REV3L: variants seen among roughly 807,000 people sequenced by gnomAD.
REV3L encodes the protein DNA polymerase zeta catalytic subunit.
In REV3L, 69 loss-of-function variants were observed where a neutral mutation model predicts 299.4. That is an observed-to-expected ratio of 0.23 (90% CI 0.19 to 0.28). The LOEUF (loss-of-function observed/expected upper bound fraction) is 0.28, where lower values mean the gene tolerates loss of function less well. REV3L is among the 10% of genes least tolerant of loss of function. REV3L has a pLI of 1.00. For missense variants in REV3L, 3,128 were observed against 3,693.8 expected (o/e 0.85, Z 3.97); for synonymous variants, 1,238 against 1,271.4 (o/e 0.97, Z 0.56).
chr6:111,431,166 T>G, intron 1 of REV3L: 1 of 1,560,462 alleles, frequency 6.4e-7, no homozygotes, highest in Non-Finnish European at 8.8e-7. Context: ...GCCATGAGTT[T>G]TTGGCCACGT....
chr6:111,357,399 T>C (rs987934597), intron 17 of REV3L, among the ~76,000 whole-genome samples: 1 of 152,054 alleles, frequency 6.6e-6, no homozygotes, highest in Admixed American at 6.6e-5. Flanking sequence ...CCCTAGAAAA[T>C]AACATATCAC....
chr6:111,303,701 CTTTTTTTTTTTTTTTTTT>C (rs58366929), intron 31 of REV3L, among the ~76,000 whole-genome samples: 187 of 12,636 alleles, frequency 0.015, 2 homozygotes, highest in African/African-American at 0.041. Context: ...CAGACTATGA[CTTTTTTTTTTTTTTTTTT>C]TTTTTTTTTT....
intron 3 of REV3L, among the ~76,000 whole-genome samples, chr6:111,407,040 T>A (rs190668665): frequency 6.6e-6 from 1 of 151,578 alleles, no homozygotes; most frequent in African/African-American, 2.4e-5. Context: ...AGCCCAGGAG[T>A]TCCAGGTTAC....
chr6:111,357,143 T>C lies in REV3L; in HGVS notation c.7073-18A>G. 1.8e-6 allele frequency: 2 copies of C among 1,134,180 alleles called. No homozygotes were observed. Among genetic ancestry groups the C allele is most frequent in the Middle Eastern group, 2.3e-4 (1 of 4,354 alleles). The allele number at this position is 1,134,180 out of a possible 1,614,324, so 70.3% of individuals were successfully genotyped here. A position where few individuals can be genotyped will look rare whatever the true frequency, so the allele number is the denominator to read the frequency against. Reference sequence around the variant, plus strand: ...TCTGATATCTAAAAAACAAACAAAATGTCTATTATATATAACATTATATAA... The same window carrying C: ...TCTGATATCTAAAAAACAAACAAAACGTCTATTATATATAACATTATATAA... On this transcript the variant is annotated intron_variant, in intron 17 of 31. Coordinates refer to ENST00000368802, the MANE Select transcript of REV3L (RefSeq NM_001372078.1).
intron 25 of REV3L, among the ~76,000 whole-genome samples, chr6:111,325,192 G>A (rs1774646209): frequency 6.6e-6 from 1 of 152,126 alleles, no homozygotes; most frequent in Admixed American, 6.6e-5. Context: ...AATGTTTTAA[G>A]TAAAAATTAA....
chr6:111,363,598 A>G (rs1182200862), intron 16 of REV3L, among the ~76,000 whole-genome samples: 1 of 152,122 alleles, frequency 6.6e-6, no homozygotes, highest in Non-Finnish European at 1.5e-5. Context: ...TAATGTCCAT[A>G]AGCTGAATTT....
chr6:111,338,959 C>A, intron 21 of REV3L, among the ~76,000 whole-genome samples: 1 of 152,100 alleles, frequency 6.6e-6, no homozygotes, highest in Non-Finnish European at 1.5e-5. Context: ...CTACTGCAAG[C>A]TGCTACGTGA....
rs1784258553 is a variant in REV3L, at chr6:111,411,624, C to CATA, written c.330-71_330-70insTAT. ...AGATGAAATAATGCAACTTATTGCC[C>CATA]TAATTAGATTCAGCTGGCCAAATTC... On this transcript the variant is annotated intron_variant, in intron 2 of 31. Coordinates refer to ENST00000368802, the MANE Select transcript of REV3L (RefSeq NM_001372078.1). 1.2e-5 allele frequency: 12 copies of CATA among 1,012,378 alleles called. No homozygotes were observed. In the South Asian group the frequency reaches 1.8e-4, roughly 15 times the overall value. 62.7% of individuals were successfully genotyped at this position (1,012,378 alleles called of 1,614,324 possible). A position where few individuals can be genotyped will look rare whatever the true frequency, so the allele number is the denominator to read the frequency against.
At position 111,315,349 on chromosome 6, in the gene REV3L, T is replaced by G; in HGVS notation, c.8384A>C (p.Glu2795Ala). ...MFVLLKGATK[E>A]QSFKIGQEIA... ...TTCCTGACCAATCTTAAAAGACTGCTCCTTAGTGGCTCCTTTCAGTAGCAC... is the reference window on the plus strand; with the variant it reads ...TTCCTGACCAATCTTAAAAGACTGCGCCTTAGTGGCTCCTTTCAGTAGCAC... Residue 2795 changes from glutamate (E) to alanine (A), a missense_variant, in exon 27 of 32, where the codon GAG (glutamate) becomes GCG (alanine). Physicochemically the swap from Glu to Ala is moderately radical, Grantham distance 107 (BLOSUM62 -1). Coordinates refer to ENST00000368802, the MANE Select transcript of REV3L (RefSeq NM_001372078.1). 6.2e-7 allele frequency: 1 copy of G among 1,614,046 alleles called. No individual in the cohort carries two copies.
chr6:111,357,827 C>G (rs540084539), intron 17 of REV3L, among the ~76,000 whole-genome samples: 1 of 152,258 alleles, frequency 6.6e-6, no homozygotes, highest in South Asian at 2.1e-4. Flanking sequence ...TGCTTAACCA[C>G]CACTTCTGCA....
At chr6:111,394,615 CT>C in intron 4 of REV3L, among the ~76,000 whole-genome samples, 2 of 151,946 alleles carry the variant, frequency 1.3e-5, no homozygotes, top group Admixed American at 1.3e-4. Flanking sequence ...TACACAGTCC[CT>C]TTTGTCTATA....
chr6:111,370,457 T>C (rs1321719014), intron 13 of REV3L, among the ~76,000 whole-genome samples: 1 of 152,186 alleles, frequency 6.6e-6, no homozygotes, highest in African/African-American at 2.4e-5. Flanking sequence ...AGGAGAGAAC[T>C]TTTATTCTGC....
intron 19 of REV3L, among the ~76,000 whole-genome samples, chr6:111,351,158 G>A (rs1250753235): frequency 6.6e-6 from 1 of 151,936 alleles, no homozygotes; most frequent in Non-Finnish European, 1.5e-5. Flanking sequence ...AATATTTGTA[G>A]CCTGATATCC....
At chr6:111,331,576 T>G in intron 24 of REV3L, 100 bp downstream of exon 24, 1 of 668,738 alleles carries the variant, frequency 1.5e-6, no homozygotes, top group Non-Finnish European at 2.4e-6. Flanking sequence ...GCAAACTCGG[T>G]GTTTTTGTTT....
At chr6:111,377,995 TCTG>T (rs1780481212) in intron 11 of REV3L, 152 bp from the exon 12 acceptor site, 1 of 596,262 alleles carries the variant, frequency 1.7e-6, no homozygotes, top group Admixed American at 3.9e-5. Flanking sequence ...ATACAAAAAA[TCTG>T]AAAATTGTAA....
upstream of REV3L, chr6:111,483,426 GA>G: frequency 2.3e-6 from 1 of 435,412 alleles, no homozygotes; most frequent in Non-Finnish European, 4.1e-6. Flanking sequence ...GCCCGCGCGG[GA>G]TCGATGACTC....
At chr6:111,445,444 G>A (rs1280824673) in intron 1 of REV3L, among the ~76,000 whole-genome samples, 1 of 152,152 alleles carries the variant, frequency 6.6e-6, no homozygotes, top group Non-Finnish European at 1.5e-5. Context: ...AATATATTTA[G>A]AAATTGGAGT....
chr6:111,361,431 C>CAAAAAAA (rs1251828373), intron 16 of REV3L: 1 of 106,980 alleles, frequency 9.3e-6, no homozygotes, highest in Non-Finnish European at 2.0e-5. Context: ...AAAAAAAAAA[C>CAAAAAAA]AAAAAAAAAA....
At chr6:111,326,613 C>CA (rs397768163) in intron 25 of REV3L, among the ~76,000 whole-genome samples, 16,101 of 145,908 alleles carry the variant, frequency 0.11, 1,118 homozygotes, top group Middle Eastern at 0.23. Context: ...ATACCCCCCC[C>CA]AAAAAAAAAA....
Sources: gnomAD v4.1 joint callset for allele counts (sites outside exome capture counted in the v4.1 genomes callset) on GRCh38, gnomAD v4.1.1 for gene constraint, MANE v1.5 for transcripts, NCBI Gene and HGNC (gene_info 2026-07-23, HGNC 2026-07-21) for gene names.